CDKAL1: variants seen among roughly 807,000 people sequenced by gnomAD.
CDKAL1 encodes threonylcarbamoyladenosine tRNA methylthiotransferase.
In CDKAL1, 32 loss-of-function variants were observed where a neutral mutation model predicts 68.2. That is an observed-to-expected ratio of 0.47 (90% CI 0.35 to 0.63). CDKAL1 has a LOEUF of 0.63. Ranked by LOEUF, CDKAL1 falls within the 30% of genes least tolerant of loss-of-function variation. CDKAL1 has a pLI of 0.00. For missense variants in CDKAL1, 606 were observed against 696.7 expected, an observed-to-expected ratio of 0.87 and a Z score of 1.47; for synonymous variants, 234 against 244.3, an observed-to-expected ratio of 0.96 and a Z score of 0.39.
intron 9 of CDKAL1, among the ~76,000 whole-genome samples, chr6:20,953,644 C>T (rs974772082): frequency 5.3e-5 from 8 of 152,076 alleles, no homozygotes; most frequent in Admixed American, 3.3e-4. Context: ...AAAGATGATA[C>T]CACTAATTTC....
At chr6:20,667,773 A>T (rs1268820053) in intron 5 of CDKAL1, among the ~76,000 whole-genome samples, 1 of 152,128 alleles carries the variant, frequency 6.6e-6, no homozygotes, top group Non-Finnish European at 1.5e-5. Context: ...GGTAAATTTT[A>T]AATCATTTTA....
intron 5 of CDKAL1, among the ~76,000 whole-genome samples, chr6:20,731,904 G>T (rs548679023): frequency 6.6e-6 from 1 of 152,242 alleles, no homozygotes; most frequent in African/African-American, 2.4e-5. Context: ...ACAGCAGCCA[G>T]CCTCCCAGGA....
chr6:21,003,674 T>C (rs370990178), intron 11 of CDKAL1, among the ~76,000 whole-genome samples: 1 of 152,152 alleles, frequency 6.6e-6, no homozygotes, highest in African/African-American at 2.4e-5. Flanking sequence ...CCAAATAGAT[T>C]AGTGCTCATT....
chr6:21,111,281 T>A lies in CDKAL1; in HGVS notation c.1299+2818T>A, dbSNP rs1331267378. Among the ~76,000 whole-genome samples the A allele has an allele frequency of 7.9e-5, 12 of 152,234 alleles. 1 individual carries two copies. Among genetic ancestry groups the A allele is most frequent in the Admixed American group, 7.9e-4 (12 of 15,284 alleles). On this transcript the variant is annotated intron_variant, in intron 13 of 15. Transcript: ENST00000274695. ...AAGAATAGTCAGCATTTTAGTGGATTCATCATGCTGAGTAAACTCAGAAAT... is the reference window on the plus strand; with the variant it reads ...AAGAATAGTCAGCATTTTAGTGGATACATCATGCTGAGTAAACTCAGAAAT...
At chr6:21,038,989 C>A (rs1320156681) in intron 11 of CDKAL1, among the ~76,000 whole-genome samples, 1 of 152,188 alleles carries the variant, frequency 6.6e-6, no homozygotes, top group Non-Finnish European at 1.5e-5. Context: ...CATTCAGCTT[C>A]TTCATTGAGA....
intron 9 of CDKAL1, among the ~76,000 whole-genome samples, chr6:20,851,007 C>T: frequency 1.1e-5 from 1 of 88,930 alleles, no homozygotes. Flanking sequence ...TTACATCTTA[C>T]TGGTTTTCTG....
intron 5 of CDKAL1, among the ~76,000 whole-genome samples, chr6:20,700,556 G>T (rs1238956313): frequency 6.6e-6 from 1 of 152,120 alleles, no homozygotes; most frequent in East Asian, 1.9e-4. Context: ...TAGAACAGAA[G>T]TTGCACAGCA....
At chr6:20,958,617 A>C (rs915855146) in intron 10 of CDKAL1, among the ~76,000 whole-genome samples, 6 of 152,218 alleles carry the variant, frequency 3.9e-5, no homozygotes, top group African/African-American at 1.4e-4. Context: ...AGATGAAAAC[A>C]GAAAAAAATA....
intron 13 of CDKAL1, among the ~76,000 whole-genome samples, chr6:21,122,941 C>T (rs1419062421): frequency 6.6e-6 from 1 of 151,908 alleles, no homozygotes; most frequent in Non-Finnish European, 1.5e-5. Flanking sequence ...CCACCTCTCC[C>T]AGCTGGATTT....
At chr6:20,922,649 G>C (rs757329462) in intron 9 of CDKAL1, among the ~76,000 whole-genome samples, 3 of 152,140 alleles carry the variant, frequency 2.0e-5, no homozygotes, top group Non-Finnish European at 4.4e-5. Context: ...AACGACTCGT[G>C]TGTTTCACCC....
At chr6:20,863,946 A>T (rs777191408) in intron 9 of CDKAL1, among the ~76,000 whole-genome samples, 1 of 152,110 alleles carries the variant, frequency 6.6e-6, no homozygotes, top group Admixed American at 6.5e-5. Context: ...CAATGGTCTG[A>T]CCTTCATTTT....
At chr6:20,768,866 G>A (rs551048181) in intron 7 of CDKAL1, among the ~76,000 whole-genome samples, 1 of 152,232 alleles carries the variant, frequency 6.6e-6, no homozygotes, top group African/African-American at 2.4e-5. Flanking sequence ...GCTGGGAGAG[G>A]GATGGTGGCT....
At chr6:21,205,892 T>C (rs954459600) in intron 15 of CDKAL1, among the ~76,000 whole-genome samples, 1 of 133,160 alleles carries the variant, frequency 7.5e-6, no homozygotes, top group Non-Finnish European at 1.5e-5. Flanking sequence ...TGGAGTGCAG[T>C]GGCGCGATCT....
intron 11 of CDKAL1, among the ~76,000 whole-genome samples, chr6:21,005,759 A>G (rs1767692603): frequency 6.6e-6 from 1 of 152,138 alleles, no homozygotes; most frequent in Admixed American, 6.5e-5. Flanking sequence ...TAGAATATTA[A>G]CCATTTTAGC....
At chr6:20,761,222 ATGT>A (rs1774449517) in intron 7 of CDKAL1, among the ~76,000 whole-genome samples, 1 of 152,256 alleles carries the variant, frequency 6.6e-6, no homozygotes, top group Non-Finnish European at 1.5e-5. Flanking sequence ...ATATAGTGGT[ATGT>A]TAAAACTATA....
intron 14 of CDKAL1, among the ~76,000 whole-genome samples, chr6:21,199,773 A>C (rs568563160): frequency 6.6e-6 from 1 of 152,316 alleles, no homozygotes; most frequent in East Asian, 1.9e-4. Context: ...TTTTATAAAA[A>C]CTGATTTAAA....
intron 8 of CDKAL1, among the ~76,000 whole-genome samples, chr6:20,808,071 A>G (rs552372490): frequency 1.3e-5 from 2 of 152,350 alleles, no homozygotes; most frequent in Admixed American, 6.5e-5. Flanking sequence ...AGTATTTGCC[A>G]TTACTTATCT....
intron 4 of CDKAL1, among the ~76,000 whole-genome samples, chr6:20,604,387 TC>T (rs1405353911): frequency 6.6e-6 from 1 of 152,194 alleles, no homozygotes; most frequent in Non-Finnish European, 1.5e-5. Context: ...CAGCCAGCCA[TC>T]TGCTAGTGGT....
intron 10 of CDKAL1, among the ~76,000 whole-genome samples, chr6:20,994,556 G>T (rs150971224): frequency 4.6e-4 from 70 of 152,294 alleles, no homozygotes; most frequent in African/African-American, 1.6e-3. Context: ...AATCCATGAT[G>T]GGGCTACCTT....
Sources: gnomAD v4.1 joint callset for allele counts (sites outside exome capture counted in the v4.1 genomes callset) on GRCh38, gnomAD v4.1.1 for gene constraint, MANE v1.5 for transcripts, NCBI Gene and HGNC (gene_info 2026-07-23, HGNC 2026-07-21) for gene names.